Variants in GRIA4 observed in about 807,000 individuals in gnomAD.
GRIA4 encodes glutamate receptor 4.
In GRIA4, 34 loss-of-function variants were observed where a neutral mutation model predicts 104.0. The observed-to-expected ratio is 0.33, with a 90% CI of 0.25 to 0.44. The LOEUF (loss-of-function observed/expected upper bound fraction) is 0.44, where lower values mean the gene tolerates loss of function less well. Among genes scored for constraint, GRIA4 ranks in the 20% least tolerant of loss-of-function variants. GRIA4 has a pLI of 1.00. For missense variants in GRIA4, 750 were observed against 1,096.5 expected (o/e 0.68, Z 4.46); for synonymous variants, 386 against 381.9 (o/e 1.01, Z -0.13).
chr11:105,846,207 T>A (rs1944588129), intron 4 of GRIA4, among the ~76,000 whole-genome samples: 1 of 152,204 alleles, frequency 6.6e-6, no homozygotes, highest in African/African-American at 2.4e-5. Flanking sequence ...TCTGTGTCAA[T>A]AATTCTAAAA....
chr11:105,629,180 G>A (rs1423860909), intron 3 of GRIA4, among the ~76,000 whole-genome samples: 2 of 151,706 alleles, frequency 1.3e-5, no homozygotes, highest in African/African-American at 4.8e-5. Context: ...GTTGAAGGCT[G>A]CAGTGAGCTA....
At chr11:105,853,971 G>A (rs751434190) in intron 4 of GRIA4, among the ~76,000 whole-genome samples, 21 of 152,112 alleles carry the variant, frequency 1.4e-4, no homozygotes, top group African/African-American at 3.9e-4. Context: ...CCAAAGCTTC[G>A]AAGGTTTCTA....
intron 3 of GRIA4, among the ~76,000 whole-genome samples, chr11:105,734,795 C>A (rs1938829591): frequency 6.6e-6 from 1 of 152,124 alleles, no homozygotes; most frequent in East Asian, 1.9e-4. Flanking sequence ...AAGTTTGCAT[C>A]CTTATACTAT....
At chr11:105,872,612 T>C (rs1945658520) in intron 5 of GRIA4, among the ~76,000 whole-genome samples, 1 of 152,122 alleles carries the variant, frequency 6.6e-6, no homozygotes, top group Non-Finnish European at 1.5e-5. Context: ...TATGTGATAT[T>C]TGAAGATAAC....
intron 5 of GRIA4, among the ~76,000 whole-genome samples, chr11:105,881,853 T>C (rs1159555043): frequency 6.6e-6 from 1 of 151,548 alleles, no homozygotes; most frequent in Non-Finnish European, 1.5e-5. Flanking sequence ...AAAACAGCCT[T>C]AGTTTTTTGG....
At chr11:105,948,114 G>C (rs1246879927) in intron 14 of GRIA4, among the ~76,000 whole-genome samples, 1 of 152,120 alleles carries the variant, frequency 6.6e-6, no homozygotes, top group African/African-American at 2.4e-5. Flanking sequence ...AGCACTCTTA[G>C]TTTGTAATCC....
intron 14 of GRIA4, among the ~76,000 whole-genome samples, chr11:105,939,385 G>A (rs1191465097): frequency 1.3e-5 from 2 of 152,046 alleles, no homozygotes; most frequent in Non-Finnish European, 2.9e-5. Context: ...ACTTCAAAGG[G>A]GATCAAATTT....
chr11:105,709,185 C>T (rs1406641822), intron 3 of GRIA4, among the ~76,000 whole-genome samples: 5 of 151,792 alleles, frequency 3.3e-5, no homozygotes, highest in African/African-American at 9.7e-5. Context: ...CTCTGGGACA[C>T]CGTGAGTAAA....
At chr11:105,634,449 GAGAAAGAA>G (rs34977277) in intron 3 of GRIA4, among the ~76,000 whole-genome samples, 13 of 132,976 alleles carry the variant, frequency 9.8e-5, no homozygotes, top group Non-Finnish European at 1.5e-4. Flanking sequence ...AGGAAGGAAG[GAGAAAGAA>G]AGAAAGAAAG....
At chr11:105,759,516 A>T (rs1940499271) in intron 4 of GRIA4, among the ~76,000 whole-genome samples, 1 of 152,122 alleles carries the variant, frequency 6.6e-6, no homozygotes, top group Non-Finnish European at 1.5e-5. Flanking sequence ...TGATTTCATG[A>T]CTTCTCATTA....
At chr11:105,703,759 T>A (rs1196556680) in intron 3 of GRIA4, among the ~76,000 whole-genome samples, 2 of 152,178 alleles carry the variant, frequency 1.3e-5, no homozygotes, top group African/African-American at 4.8e-5. Flanking sequence ...GTCAAACCTA[T>A]GACCTTGTAC....
intron 5 of GRIA4, among the ~76,000 whole-genome samples, chr11:105,876,434 T>C (rs182387323): frequency 8.8e-4 from 134 of 152,338 alleles, no homozygotes; most frequent in African/African-American, 3.2e-3. Context: ...TTAGGTCCAC[T>C]TGATCCAGAG....
chr11:105,839,628 A>C (rs1238154472), intron 4 of GRIA4, among the ~76,000 whole-genome samples: 3 of 151,952 alleles, frequency 2.0e-5, no homozygotes, highest in African/African-American at 7.2e-5. Context: ...TAAGAACCCC[A>C]GCCCAAGAGG....
intron 16 of GRIA4, among the ~76,000 whole-genome samples, chr11:105,975,484 T>A (rs2136292053): frequency 6.6e-6 from 1 of 152,092 alleles, no homozygotes; most frequent in Middle Eastern, 3.4e-3. Flanking sequence ...TAAAAAAAAA[T>A]CTAAATGTCC....
At chr11:105,964,376 C>A (rs1048765790) in intron 14 of GRIA4, among the ~76,000 whole-genome samples, 3 of 152,134 alleles carry the variant, frequency 2.0e-5, no homozygotes, top group African/African-American at 7.2e-5. Context: ...TGGATCAGAT[C>A]ATCACAAAAT....
intron 10 of GRIA4, among the ~76,000 whole-genome samples, chr11:105,915,018 G>T (rs1947359700): frequency 6.6e-6 from 1 of 152,132 alleles, no homozygotes; most frequent in East Asian, 1.9e-4. Flanking sequence ...GATTGAGCAT[G>T]GGGGAAATGA....
chr11:105,877,899 G>C (rs919034578), intron 5 of GRIA4, among the ~76,000 whole-genome samples: 1 of 152,126 alleles, frequency 6.6e-6, no homozygotes, highest in Non-Finnish European at 1.5e-5. Context: ...ACCTTCTGAA[G>C]CCTACTTCTG....
chr11:105,636,063 A>G (rs191125809), intron 3 of GRIA4, among the ~76,000 whole-genome samples: 1 of 152,188 alleles, frequency 6.6e-6, no homozygotes, highest in Non-Finnish European at 1.5e-5. Flanking sequence ...GCTTTTAGTT[A>G]TCTAGTGTAT....
intron 4 of GRIA4, among the ~76,000 whole-genome samples, chr11:105,754,593 T>C (rs1940194484): frequency 6.6e-6 from 1 of 152,210 alleles, no homozygotes; most frequent in South Asian, 2.1e-4. Flanking sequence ...TAACAATCCA[T>C]ACATTTTGTT....
Sources: allele counts gnomAD v4.1 joint callset (sites outside exome capture counted in the v4.1 genomes callset), GRCh38; gene constraint gnomAD v4.1.1; transcripts MANE v1.5; gene names NCBI Gene and HGNC (gene_info 2026-07-23, HGNC 2026-07-21).